KCNT2: variants seen among roughly 807,000 people sequenced by gnomAD.
KCNT2 encodes the protein potassium channel subfamily T member 2.
KCNT2 carries 67 observed loss-of-function variants against 153.8 expected under a neutral mutation model. The observed-to-expected ratio is 0.44, with a 90% confidence interval of 0.36 to 0.53. The LOEUF (loss-of-function observed/expected upper bound fraction) is 0.53, where lower values mean the gene tolerates loss of function less well. Among genes scored for constraint, KCNT2 ranks in the 20% least tolerant of loss-of-function variants. The probability of loss-of-function intolerance (pLI) is 0.00; values close to 1 mark genes in which losing one functional copy is unlikely to be tolerated. For synonymous variants in KCNT2, 500 were observed against 458.8 expected (o/e 1.09, Z -1.15); for missense variants, 975 against 1,354.8 (o/e 0.72, Z 4.40).
intron 1 of KCNT2, among the ~76,000 whole-genome samples, chr1:196,580,141 G>A (rs1414243182): frequency 1.3e-5 from 2 of 152,062 alleles, no homozygotes; most frequent in African/African-American, 4.8e-5. Context: ...AACAAATCCA[G>A]CAAATAGGAC....
At chr1:196,394,119 G>C (rs1036818132) in intron 13 of KCNT2, among the ~76,000 whole-genome samples, 28 of 151,488 alleles carry the variant, frequency 1.8e-4, no homozygotes, top group Non-Finnish European at 2.4e-4. Flanking sequence ...AAAAAATAAT[G>C]ATATTGTGAG....
intron 3 of KCNT2, among the ~76,000 whole-genome samples, chr1:196,483,739 G>T (rs1023181938): frequency 6.6e-6 from 1 of 152,056 alleles, no homozygotes; most frequent in Non-Finnish European, 1.5e-5. Flanking sequence ...CATCTCAGTG[G>T]AAACTTTATA....
chr1:196,378,564 C>T (rs1344243036), intron 13 of KCNT2, among the ~76,000 whole-genome samples: 1 of 151,210 alleles, frequency 6.6e-6, no homozygotes, highest in Non-Finnish European at 1.5e-5. Context: ...AATAGACATA[C>T]TAAAAAGAAA....
intron 16 of KCNT2, among the ~76,000 whole-genome samples, chr1:196,339,948 A>T (rs1572095429): frequency 7.3e-6 from 1 of 137,496 alleles, no homozygotes; most frequent in Non-Finnish European, 1.7e-5. Context: ...AAAGAAATAT[A>T]AAAGTGTGTG....
chr1:196,279,580 A>G (rs1571887573), intron 25 of KCNT2, among the ~76,000 whole-genome samples: 1 of 149,242 alleles, frequency 6.7e-6, no homozygotes, highest in Admixed American at 6.7e-5. Context: ...GCACCACCAC[A>G]CCTGACTAAT....
At chr1:196,234,459 A>G (rs749355127) in intron 27 of KCNT2, among the ~76,000 whole-genome samples, 25 of 151,342 alleles carry the variant, frequency 1.7e-4, no homozygotes, top group Non-Finnish European at 4.4e-5. Flanking sequence ...AAATCTATTT[A>G]CATAGGGGCT....
intron 1 of KCNT2, among the ~76,000 whole-genome samples, chr1:196,507,693 A>G (rs1418506720): frequency 1.3e-5 from 2 of 152,212 alleles, no homozygotes; most frequent in African/African-American, 2.4e-5. Context: ...ATATTTATAT[A>G]AAGGATATGT....
intron 22 of KCNT2, among the ~76,000 whole-genome samples, chr1:196,297,350 A>T (rs1660767319): frequency 6.6e-6 from 1 of 152,126 alleles, no homozygotes; most frequent in Admixed American, 6.6e-5. Flanking sequence ...TGGTTTTAAC[A>T]ATTTGCTATA....
intron 1 of KCNT2, among the ~76,000 whole-genome samples, chr1:196,504,893 G>C (rs1681005229): frequency 6.6e-6 from 1 of 152,182 alleles, no homozygotes; most frequent in Admixed American, 6.5e-5. Context: ...CTTTTGAGAA[G>C]CATCTGTTCA....
intron 13 of KCNT2, among the ~76,000 whole-genome samples, chr1:196,380,229 A>G (rs935638742): frequency 6.6e-6 from 1 of 152,180 alleles, no homozygotes; most frequent in African/African-American, 2.4e-5. Context: ...TTAGAAGCAT[A>G]TGACTTTTAA....
chr1:196,451,228 T>TC (rs1218412439), intron 8 of KCNT2, among the ~76,000 whole-genome samples: 25 of 140,514 alleles, frequency 1.8e-4, no homozygotes, highest in African/African-American at 5.9e-4. Context: ...TTTTTTTTTT[T>TC]TTTTTTTTTT....
chr1:196,262,575 A>C (rs1657129041), intron 25 of KCNT2, among the ~76,000 whole-genome samples: 1 of 151,948 alleles, frequency 6.6e-6, no homozygotes, highest in Non-Finnish European at 1.5e-5. Context: ...TAAATATATA[A>C]GCACCAAGGC....
intron 8 of KCNT2, among the ~76,000 whole-genome samples, chr1:196,435,433 A>G (rs1674571627): frequency 6.6e-6 from 1 of 151,444 alleles, no homozygotes; most frequent in Non-Finnish European, 1.5e-5. Flanking sequence ...TGATTTACTT[A>G]TTGAAATTCA....
intron 17 of KCNT2, among the ~76,000 whole-genome samples, chr1:196,331,801 C>A (rs1572065554): frequency 6.6e-6 from 1 of 151,994 alleles, no homozygotes; most frequent in East Asian, 1.9e-4. Context: ...TTATGATTTG[C>A]TCTATCAATA....
chr1:196,502,400 T>A (rs139655595), intron 1 of KCNT2, among the ~76,000 whole-genome samples: 219 of 152,310 alleles, frequency 1.4e-3, no homozygotes, highest in African/African-American at 4.7e-3. Context: ...TTCAAAATAA[T>A]GTCAGTTTTG....
chr1:196,530,709 T>C (rs1339471276), intron 1 of KCNT2, among the ~76,000 whole-genome samples: 1 of 152,140 alleles, frequency 6.6e-6, no homozygotes, highest in East Asian at 1.9e-4. Flanking sequence ...ATATGTAATA[T>C]AAATACAGTG....
chr1:196,307,064 A>G lies in KCNT2; in HGVS notation c.2484-1719T>C, dbSNP rs370245829. Among the ~76,000 whole-genome samples the G allele has an allele frequency of 7.9e-5, 12 of 152,088 alleles. No individual in the cohort carries two copies. In the East Asian group the frequency reaches 2.3e-3, roughly 30 times the overall value. ...AACCACGATATAATTTCTTTTGCTG[A>G]CTTTTAATGTTAAAAATACAGTAAT... On this transcript the variant is annotated intron_variant, in intron 21 of 27. Coordinates refer to ENST00000294725, the MANE Select transcript of KCNT2 (RefSeq NM_198503.5).
chr1:196,552,973 CTT>C (rs1208520522), intron 1 of KCNT2, among the ~76,000 whole-genome samples: 3 of 151,016 alleles, frequency 2.0e-5, no homozygotes, highest in African/African-American at 7.3e-5. Flanking sequence ...AGAAAATCAA[CTT>C]CACTAAAAGA....
chr1:196,408,527 C>G (rs1490613639), intron 12 of KCNT2, among the ~76,000 whole-genome samples: 1 of 151,562 alleles, frequency 6.6e-6, no homozygotes, highest in Non-Finnish European at 1.5e-5. Context: ...TTAAACCTTT[C>G]TAATATAAAG....
Sources: allele counts gnomAD v4.1 joint callset (sites outside exome capture counted in the v4.1 genomes callset), GRCh38; gene constraint gnomAD v4.1.1; transcripts MANE v1.5; gene names NCBI Gene and HGNC (gene_info 2026-07-23, HGNC 2026-07-21).